NECAP2: variants seen among roughly 807,000 people sequenced by gnomAD.
NECAP2 encodes the protein NECAP endocytosis associated 2, also known as adaptin ear-binding coat-associated protein 2.
NECAP2 carries 38 observed loss-of-function variants against 37.8 expected under a neutral mutation model. That is an observed-to-expected ratio of 1.01 (90% confidence interval 0.78 to 1.32). The LOEUF is 1.32. NECAP2 is among the 40% of genes most tolerant of loss of function. The probability of loss-of-function intolerance (pLI) is 0.00; values close to 1 mark genes in which losing one functional copy is unlikely to be tolerated. For missense variants in NECAP2, 316 were observed against 334.5 expected, an observed-to-expected ratio of 0.94 and a Z score of 0.43; for synonymous variants, 121 against 127.7, an observed-to-expected ratio of 0.95 and a Z score of 0.35.
At chr1:16,455,138 C>T (rs2086898423) in intron 6 of NECAP2, among the ~76,000 whole-genome samples, 1 of 152,224 alleles carries the variant, frequency 6.6e-6, no homozygotes, top group Admixed American at 6.5e-5. Flanking sequence ...GAAATAGCAA[C>T]TTAGTGCCAA....
At chr1:16,452,076 C>A in intron 6 of NECAP2, 61 bp downstream of exon 6, 1 of 1,477,472 alleles carries the variant, frequency 6.8e-7, no homozygotes, top group Non-Finnish European at 9.1e-7. Flanking sequence ...TCCCTGGCAG[C>A]CAGGCCCCAT....
intron 6 of NECAP2, among the ~76,000 whole-genome samples, chr1:16,452,745 CT>C: frequency 6.6e-6 from 1 of 152,090 alleles, no homozygotes; most frequent in Non-Finnish European, 1.5e-5. Flanking sequence ...GGTGCCAGCC[CT>C]TTTCCTCTAC....
intron 5 of NECAP2, chr1:16,450,286 TTG>T: frequency 1.6e-5 from 6 of 379,660 alleles, no homozygotes; most frequent in Admixed American, 3.6e-5. Flanking sequence ...TTTTGTTTTG[TTG>T]TTTTTTTTTT....
At chr1:16,456,258 C>T (rs2086917016) in intron 7 of NECAP2, among the ~76,000 whole-genome samples, 1 of 152,112 alleles carries the variant, frequency 6.6e-6, no homozygotes, top group Admixed American at 6.5e-5. Context: ...CTCCTGACCT[C>T]AGGCGATCCA....
At chr1:16,453,226 C>G (rs1044431862) in intron 6 of NECAP2, among the ~76,000 whole-genome samples, 7 of 151,678 alleles carry the variant, frequency 4.6e-5, no homozygotes, top group Non-Finnish European at 8.8e-5. Flanking sequence ...TCTCCTGCCT[C>G]AGCCTCCTGA....
At chr1:16,454,208 C>T (rs975339587) in intron 6 of NECAP2, among the ~76,000 whole-genome samples, 17 of 151,316 alleles carry the variant, frequency 1.1e-4, no homozygotes, top group Non-Finnish European at 2.1e-4. Context: ...TACAGGCATG[C>T]GCCACCTCAC....
chr1:16,445,459 T>C (rs1570256571), intron 2 of NECAP2, among the ~76,000 whole-genome samples: 4 of 152,274 alleles, frequency 2.6e-5, no homozygotes, highest in South Asian at 2.1e-4. Flanking sequence ...AGATGTCCTC[T>C]TGGGGACAGG....
chr1:16,444,823 T>TA (rs770228474), intron 2 of NECAP2, among the ~76,000 whole-genome samples: 1 of 152,122 alleles, frequency 6.6e-6, no homozygotes, highest in Non-Finnish European at 1.5e-5. Context: ...GACTTTATTT[T>TA]AAAAAATCAT....
intron 6 of NECAP2, among the ~76,000 whole-genome samples, chr1:16,452,526 C>G (rs550735136): frequency 3.3e-5 from 5 of 152,222 alleles, no homozygotes; most frequent in Admixed American, 2.6e-4. Context: ...GAATGAGGCC[C>G]AGACTTTTAG....
At chr1:16,452,819 C>T (rs1045539479) in intron 6 of NECAP2, among the ~76,000 whole-genome samples, 1 of 151,910 alleles carries the variant, frequency 6.6e-6, no homozygotes, top group Non-Finnish European at 1.5e-5. Flanking sequence ...CTGGCCTTCC[C>T]CAGGCTGGGC....
In NECAP2 at chr1:16,446,026, C is replaced by T. The variant is rs1158503470; in HGVS notation, c.194-1844C>T. Among the ~76,000 whole-genome samples the T allele has an allele frequency of 8.6e-5, 13 of 150,778 alleles. No homozygotes were observed. The East Asian group carries it at 9.9e-4, about 11-fold the overall frequency. On this transcript the variant is annotated intron_variant, in intron 2 of 7. Coordinates refer to ENST00000337132, the MANE Select transcript of NECAP2 (RefSeq NM_018090.5). Reference sequence around the variant, plus strand: ...GAGTTTGAGACCAGCCTGACCAACACGGAGAAACCTTGCCTCTACTAAAAA... The same window carrying T: ...GAGTTTGAGACCAGCCTGACCAACATGGAGAAACCTTGCCTCTACTAAAAA...
rs1248486307 is a variant in NECAP2, at chr1:16,451,900, G to A, written c.552G>A (p.Gly184=). The change falls in exon 6 of 8, where the codon GGG becomes GGA. Residue 184 remains glycine (G), a synonymous_variant. Transcript: ENST00000337132. ...GAGTCCGGCCTGCCAGCACAGGAGG[G>A]CTGAGCCTGCTTCCCCCTCCCCCAG... ...NPRVRPASTG[G]LSLLPPPPGG... 6.2e-7 allele frequency: 1 copy of A among 1,614,110 alleles called. No homozygotes were observed. Among genetic ancestry groups the A allele is most frequent in the Non-Finnish European group, 8.5e-7 (1 of 1,179,988 alleles).
At chr1:16,449,458 C>G in intron 5 of NECAP2, 1 of 431,598 alleles carries the variant, frequency 2.3e-6, no homozygotes, top group Non-Finnish European at 4.1e-6. Context: ...GCCCTGGGTG[C>G]CGTGGGCTCC....
At chr1:16,441,071 G>T in intron 1 of NECAP2, 1 of 570,208 alleles carries the variant, frequency 1.8e-6, no homozygotes, top group Non-Finnish European at 3.1e-6. Flanking sequence ...CGGGGAGGGC[G>T]TTAAAGCCGT....
chr1:16,452,119 A>G (rs764662812), intron 6 of NECAP2, 104 bp downstream of exon 6: 2 of 1,157,810 alleles, frequency 1.7e-6, no homozygotes, highest in Non-Finnish European at 2.4e-6. Context: ...TGGATTGGTC[A>G]TGTAGTACCT....
chr1:16,456,838 T>C (rs545181425), intron 7 of NECAP2, among the ~76,000 whole-genome samples: 1 of 152,148 alleles, frequency 6.6e-6, no homozygotes, highest in African/African-American at 2.4e-5. Context: ...TGTTGCTGGC[T>C]CTACAGGTGC....
At chr1:16,446,445 G>A (rs2086763951) in intron 2 of NECAP2, among the ~76,000 whole-genome samples, 1 of 152,204 alleles carries the variant, frequency 6.6e-6, no homozygotes, top group Non-Finnish European at 1.5e-5. Flanking sequence ...TGTATTCCCA[G>A]CTACGTGAGA....
chr1:16,442,277 C>T (rs1327785448), intron 1 of NECAP2, among the ~76,000 whole-genome samples: 1 of 152,150 alleles, frequency 6.6e-6, no homozygotes, highest in Non-Finnish European at 1.5e-5. Flanking sequence ...CGCGCCCGGC[C>T]CCCTATTGGG....
At position 16,451,902 on chromosome 1, in the gene NECAP2, T is replaced by C; in HGVS notation, c.554T>C (p.Leu185Pro). 1.2e-6 allele frequency: 2 copies of C among 1,614,070 alleles called. No homozygotes were observed. The highest frequency in any genetic ancestry group is 1.7e-6 in the Non-Finnish European group (2 of 1,179,938). ...GTCCGGCCTGCCAGCACAGGAGGGC[T>C]GAGCCTGCTTCCCCCTCCCCCAGGG... Reference protein sequence around the residue: ...PRVRPASTGGLSLLPPPPGGK... With the variant: ...PRVRPASTGGPSLLPPPPGGK... Residue 185 changes from leucine to proline, a missense_variant, in exon 6 of 8, where the codon CTG becomes CCG. By Grantham distance (98) the Leu-to-Pro change is moderately conservative. Transcript: ENST00000337132.
Sources: allele counts gnomAD v4.1 joint callset (sites outside exome capture counted in the v4.1 genomes callset), GRCh38; gene constraint gnomAD v4.1.1; transcripts MANE v1.5; gene names NCBI Gene and HGNC (gene_info 2026-07-23, HGNC 2026-07-21).